The following EPB41L4A variants were observed in gnomAD, a reference collection of about 807,000 sequenced individuals.
EPB41L4A encodes the protein band 4.1-like protein 4A.
A neutral mutation model predicts 108.6 loss-of-function variants in EPB41L4A; 100 were observed. The ratio of observed to expected loss-of-function variants is 0.92; its 90% CI spans 0.78 to 1.09. The LOEUF is 1.09. EPB41L4A is among the 50% of genes least tolerant of loss of function. EPB41L4A has a pLI of 0.00. For synonymous variants in EPB41L4A, 319 were observed against 289.0 expected (o/e 1.10, Z -1.05); for missense variants, 1,030 against 842.7 (o/e 1.22, Z -2.75).
chr5:112,187,063 T>C (rs1761465181), intron 17 of EPB41L4A, among the ~76,000 whole-genome samples: 1 of 152,230 alleles, frequency 6.6e-6, no homozygotes, highest in African/African-American at 2.4e-5. Context: ...TAGATTTACA[T>C]CATGAAGAAT....
intron 2 of EPB41L4A, among the ~76,000 whole-genome samples, chr5:112,295,239 G>C: frequency 6.6e-6 from 1 of 152,296 alleles, no homozygotes; most frequent in East Asian, 1.9e-4. Flanking sequence ...GCTATGAGGA[G>C]AGGTGAGATG....
At chr5:112,284,708 G>T (rs12519569) in intron 2 of EPB41L4A, among the ~76,000 whole-genome samples, 59,300 of 152,064 alleles carry the variant, frequency 0.39, 12,706 homozygotes, top group African/African-American at 0.58. Flanking sequence ...TGAGGAGTCA[G>T]GGTGACAGTC....
At chr5:112,365,959 AT>A (rs1759098085) in intron 1 of EPB41L4A, among the ~76,000 whole-genome samples, 1 of 152,216 alleles carries the variant, frequency 6.6e-6, no homozygotes. Flanking sequence ...TTATCTCCCC[AT>A]TTATTCAACA....
chr5:112,323,953 G>C (rs1320622197), intron 1 of EPB41L4A, among the ~76,000 whole-genome samples: 1 of 152,200 alleles, frequency 6.6e-6, no homozygotes, highest in Non-Finnish European at 1.5e-5. Context: ...TCCCAGCCAA[G>C]ATGTTGTTCA....
intron 1 of EPB41L4A, among the ~76,000 whole-genome samples, chr5:112,312,682 C>T (rs1337033998): frequency 3.3e-5 from 5 of 152,112 alleles, no homozygotes; most frequent in Admixed American, 3.3e-4. Context: ...GGTGGAGGTA[C>T]ATATCACCAG....
At chr5:112,196,520 C>T (rs1192710990) in intron 15 of EPB41L4A, among the ~76,000 whole-genome samples, 1 of 152,216 alleles carries the variant, frequency 6.6e-6, no homozygotes, top group Non-Finnish European at 1.5e-5. Flanking sequence ...TATCTATTGA[C>T]CTGGCTACTC....
intron 9 of EPB41L4A, among the ~76,000 whole-genome samples, chr5:112,258,454 A>G (rs1489864087): frequency 1.1e-4 from 16 of 152,252 alleles, no homozygotes; most frequent in Non-Finnish European, 1.9e-4. Flanking sequence ...ACAGAAGAGT[A>G]GATTCTCCTA....
intron 1 of EPB41L4A, among the ~76,000 whole-genome samples, chr5:112,372,994 T>C (rs1004793678): frequency 2.6e-5 from 4 of 152,220 alleles, no homozygotes; most frequent in Non-Finnish European, 2.9e-5. Context: ...AATAGTTCCA[T>C]ATATTCTTTT....
downstream of EPB41L4A, chr5:112,161,346 T>C (rs1004478323): frequency 2.5e-6 from 1 of 395,540 alleles, no homozygotes; most frequent in Non-Finnish European, 5.0e-6. Context: ...ACGCATCGCA[T>C]TTCACTTTTC....
chr5:112,144,149 T>G (rs913336975), intron 13 of EPB41L4A, among the ~76,000 whole-genome samples: 4 of 152,244 alleles, frequency 2.6e-5, no homozygotes, highest in Non-Finnish European at 5.9e-5. Flanking sequence ...GCCCTGGGAA[T>G]ATGAGGGAAA....
intron 12 of EPB41L4A, among the ~76,000 whole-genome samples, chr5:112,146,928 GC>G (rs1759281401): frequency 6.6e-6 from 1 of 152,164 alleles, no homozygotes; most frequent in South Asian, 2.1e-4. Context: ...TTAAAGAAAA[GC>G]CTCACCTTGG....
At chr5:112,233,874 G>A (rs1292141571) in intron 12 of EPB41L4A, among the ~76,000 whole-genome samples, 9 of 152,084 alleles carry the variant, frequency 5.9e-5, no homozygotes, top group Non-Finnish European at 1.2e-4. Context: ...TATCACCCAG[G>A]CTGGAGTGTA....
chr5:112,350,808 T>C (rs1757993888), intron 1 of EPB41L4A, among the ~76,000 whole-genome samples: 1 of 152,214 alleles, frequency 6.6e-6, no homozygotes. Flanking sequence ...GATTTCATTC[T>C]TTTTTATAGC....
intron 4 of EPB41L4A, among the ~76,000 whole-genome samples, chr5:112,269,669 C>G (rs1752123191): frequency 1.3e-5 from 2 of 152,120 alleles, no homozygotes; most frequent in Non-Finnish European, 2.9e-5. Flanking sequence ...TAACTCACTT[C>G]ATCATTCTCT....
At chr5:112,363,780 C>T (rs1451215620) in intron 1 of EPB41L4A, 1 of 152,220 alleles carries the variant, frequency 6.6e-6, no homozygotes, top group African/African-American at 2.4e-5. Context: ...TAACCAGTTA[C>T]ATAACACAGC....
intron 12 of EPB41L4A, among the ~76,000 whole-genome samples, chr5:112,215,346 T>C (rs966818448): frequency 1.3e-5 from 2 of 152,228 alleles, no homozygotes; most frequent in Non-Finnish European, 1.5e-5. Flanking sequence ...TATTGACATA[T>C]GGCTATTAAG....
At chr5:112,249,364 A>AGTTTTT (rs1580526684) in intron 9 of EPB41L4A, among the ~76,000 whole-genome samples, 1 of 152,336 alleles carries the variant, frequency 6.6e-6, no homozygotes, top group East Asian at 1.9e-4. Context: ...TTTCTTCTTA[A>AGTTTTT]TTACTGATCA....
chr5:112,418,835 G>A, intron 1 of EPB41L4A, 106 bp downstream of exon 1: 1 of 790,280 alleles, frequency 1.3e-6, no homozygotes, highest in East Asian at 2.6e-5. Context: ...CCACCGCGCA[G>A]AGTCGCGGCC....
At chr5:112,403,959 G>A (rs1040842005) in intron 1 of EPB41L4A, among the ~76,000 whole-genome samples, 2 of 152,158 alleles carry the variant, frequency 1.3e-5, no homozygotes, top group Non-Finnish European at 2.9e-5. Flanking sequence ...ATCAAAAAAG[G>A]AGGAAGAAGA....
Sources: gnomAD v4.1 joint callset for allele counts (sites outside exome capture counted in the v4.1 genomes callset) on GRCh38, gnomAD v4.1.1 for gene constraint, MANE v1.5 for transcripts, NCBI Gene and HGNC (gene_info 2026-07-23, HGNC 2026-07-21) for gene names.